NPTN: variants seen among roughly 807,000 people sequenced by gnomAD.
NPTN encodes the protein SDR-1.
A neutral mutation model predicts 42.7 loss-of-function variants in NPTN; 5 were observed. The ratio of observed to expected loss-of-function variants is 0.12; its 90% confidence interval spans 0.06 to 0.25. The LOEUF is 0.25. Ranked by LOEUF, NPTN falls within the 10% of genes least tolerant of loss-of-function variation. The pLI is 1.00. For synonymous variants in NPTN, 180 were observed against 201.9 expected, an observed-to-expected ratio of 0.89 and a Z score of 0.92; for missense variants, 307 against 525.4, an observed-to-expected ratio of 0.58 and a Z score of 4.06.
Position 73,561,973 on chromosome 15 carries a change from T to A in NPTN, c.1137-3A>T, listed in dbSNP as rs752450591. ...GATTGTTGGTAGAGTTGGTTTTCCT[T>A]TGGAGGAAAAATTGCATTACATGAG... On this transcript the variant is annotated splice_region_variant and splice_polypyrimidine_tract_variant and intron_variant, in intron 7 of 8. Coordinates refer to ENST00000345330, the MANE Select transcript of NPTN (RefSeq NM_012428.4). The A allele has an allele frequency of 6.3e-7, 1 of 1,593,756 alleles. No homozygotes were observed. Among genetic ancestry groups the A allele is most frequent in the Admixed American group, 1.9e-5 (1 of 53,890 alleles).
intron 1 of NPTN, among the ~76,000 whole-genome samples, chr15:73,603,633 T>C (rs982932112): frequency 6.6e-6 from 1 of 152,154 alleles, no homozygotes; most frequent in Non-Finnish European, 1.5e-5. Flanking sequence ...CCAAGAATAA[T>C]AAGAATAAAG....
chr15:73,581,180 C>T (rs1896024663), intron 4 of NPTN, among the ~76,000 whole-genome samples: 1 of 152,162 alleles, frequency 6.6e-6, no homozygotes, highest in South Asian at 2.1e-4. Context: ...AAGGTTTAAT[C>T]ATGTCAGATA....
At chr15:73,584,952 CCTT>C (rs1896244847) in intron 4 of NPTN, among the ~76,000 whole-genome samples, 2 of 152,084 alleles carry the variant, frequency 1.3e-5, no homozygotes, top group South Asian at 2.1e-4. Flanking sequence ...GTTCCTTCAG[CCTT>C]CTTTTCTTTT....
intron 1 of NPTN, among the ~76,000 whole-genome samples, chr15:73,621,262 A>G (rs1242606756): frequency 6.6e-6 from 1 of 152,220 alleles, no homozygotes; most frequent in Admixed American, 6.5e-5. Flanking sequence ...GAGAGGAATA[A>G]TTAATTCAAT....
At chr15:73,572,591 T>A (rs778642353) in intron 5 of NPTN, among the ~76,000 whole-genome samples, 1 of 152,078 alleles carries the variant, frequency 6.6e-6, no homozygotes. Flanking sequence ...GTACTAGTAA[T>A]TGCCCTCAGT....
intron 1 of NPTN, among the ~76,000 whole-genome samples, chr15:73,607,360 A>C (rs113403314): frequency 0.015 from 2,341 of 152,300 alleles, 17 homozygotes; most frequent in East Asian, 0.027. Context: ...TAACAAGCTT[A>C]CTTTCTGTCT....
chr15:73,571,700 C>T (rs2141361971), intron 5 of NPTN, among the ~76,000 whole-genome samples: 1 of 152,182 alleles, frequency 6.6e-6, no homozygotes, highest in Admixed American at 6.5e-5. Flanking sequence ...TCATGAGATC[C>T]CGGCAGGGAA....
chr15:73,583,619 T>G (rs1896169420), intron 4 of NPTN, among the ~76,000 whole-genome samples: 1 of 152,212 alleles, frequency 6.6e-6, no homozygotes, highest in Non-Finnish European at 1.5e-5. Flanking sequence ...GTGTGGTTTT[T>G]GGGCTGAAGT....
At chr15:73,618,546 G>T (rs141169422) in intron 1 of NPTN, among the ~76,000 whole-genome samples, 198 of 152,254 alleles carry the variant, frequency 1.3e-3, no homozygotes, top group African/African-American at 4.4e-3. Context: ...TGTAAGAAGA[G>T]AATAAAATTA....
chr15:73,562,458 G>T (rs1233898890), intron 7 of NPTN, among the ~76,000 whole-genome samples: 1 of 152,196 alleles, frequency 6.6e-6, no homozygotes, highest in Non-Finnish European at 1.5e-5. Context: ...CGATACAGGT[G>T]AGAATATGTA....
At chr15:73,631,236 C>T (rs983439349) in intron 1 of NPTN, among the ~76,000 whole-genome samples, 1 of 152,154 alleles carries the variant, frequency 6.6e-6, no homozygotes, top group Admixed American at 6.5e-5. Flanking sequence ...TATGCTATTA[C>T]CATAAACTGA....
At position 73,597,501 on chromosome 15, in the gene NPTN, C is replaced by T. The variant is rs1398984987; in HGVS notation, c.92-132G>A. Reference sequence around the variant, plus strand: ...GAGTTGCAAAGAACAAAAAAGGATTCATTTTTAAACTATAAAGAGACAGTA... The same window carrying T: ...GAGTTGCAAAGAACAAAAAAGGATTTATTTTTAAACTATAAAGAGACAGTA... On this transcript the variant is annotated intron_variant, in intron 1 of 8. Transcript: ENST00000345330. The surrounding 1 kb of genome is among the most constrained non-coding windows in gnomAD (Gnocchi z 6.3). 1 of 689,344 alleles carries T rather than the reference C, an allele frequency of 1.5e-6. No individual in the cohort carries two copies. The highest frequency in any genetic ancestry group is 2.4e-6 in the Non-Finnish European group (1 of 415,200). 42.7% of individuals were successfully genotyped at this position (689,344 alleles called of 1,614,324 possible). A position where few individuals can be genotyped will look rare whatever the true frequency, so the allele number is the denominator to read the frequency against.
chr15:73,590,565 C>G (rs1480883523), intron 3 of NPTN, among the ~76,000 whole-genome samples: 2 of 149,062 alleles, frequency 1.3e-5, no homozygotes, highest in African/African-American at 5.0e-5. Flanking sequence ...AGTTCAAGAC[C>G]AGCCTGGGCA....
At chr15:73,607,100 G>GCTGT (rs748283027) in intron 1 of NPTN, among the ~76,000 whole-genome samples, 12 of 152,138 alleles carry the variant, frequency 7.9e-5, no homozygotes, top group Non-Finnish European at 1.5e-4. Context: ...ACCTGCCTAT[G>GCTGT]CTGTATTCAG....
chr15:73,570,232 C>T lies in NPTN; in HGVS notation c.1032G>A (p.Leu344=). 1.2e-6 allele frequency: 2 copies of T among 1,614,156 alleles called. No individual in the cohort carries two copies. The highest frequency in any genetic ancestry group is 1.1e-5 in the South Asian group (1 of 91,082). The part of the protein sequence containing the change: ...RSHLAPLWPF[L]GILAEIIILV... The stretch of plus-strand genomic sequence containing the variant: ...GGATGATAATTTCAGCCAGAATTCC[C>T]AAGAAAGGCCAGAGTGGGGCCAGGT... Residue 344 remains leucine, a synonymous_variant, in exon 6 of 9, where the codon TTG becomes TTA. Coordinates refer to ENST00000345330, the MANE Select transcript of NPTN (RefSeq NM_012428.4). This position sits in a 1 kb window ranked among gnomAD's most constrained non-coding sequence, Gnocchi z 4.0.
chr15:73,565,958 A>G (rs1894974315), intron 6 of NPTN, among the ~76,000 whole-genome samples: 1 of 152,196 alleles, frequency 6.6e-6, no homozygotes, highest in African/African-American at 2.4e-5. Flanking sequence ...AATAATGAAG[A>G]GTTGACTCTC....
At position 73,569,130 on chromosome 15, in the gene NPTN, C is replaced by A. The variant is rs758891074; in HGVS notation, c.1114+1020G>T. 1 of 985,498 alleles carries A rather than the reference C, an allele frequency of 1.0e-6. No homozygotes were observed. The highest frequency in any genetic ancestry group is 6.1e-5 in the Admixed American group (1 of 16,270). The allele number at this position is 985,498 out of a possible 1,614,324, so 61.0% of individuals were successfully genotyped here. A position where few individuals can be genotyped will look rare whatever the true frequency, so the allele number is the denominator to read the frequency against. ...GGTAGGCTACCACTGAGCCCAGGGG[C>A]ACACCCATCTGTCTAGTCTAGCCAG... On this transcript the variant is annotated intron_variant, in intron 6 of 8. Transcript: ENST00000345330. The surrounding 1 kb of genome is among the most constrained non-coding windows in gnomAD (Gnocchi z 4.1).
At position 73,616,529 on chromosome 15, in the gene NPTN, C is replaced by T. The variant is rs1018042343; in HGVS notation, c.91+16596G>A. On this transcript the variant is annotated intron_variant, in intron 1 of 8. Coordinates refer to ENST00000345330, the MANE Select transcript of NPTN (RefSeq NM_012428.4). The stretch of plus-strand genomic sequence containing the variant: ...ATTCAAATATTCTGACTCCTGTTCA[C>T]TAATGCTCTATCCACTAAAACCTGC... 1.4e-4 allele frequency among the ~76,000 whole-genome samples: 21 copies of T among 152,314 alleles called. No individual in the cohort carries two copies. In the East Asian group the frequency reaches 4.0e-3, roughly 29 times the overall value.
chr15:73,605,457 G>A (rs778001271), intron 1 of NPTN, among the ~76,000 whole-genome samples: 4 of 151,816 alleles, frequency 2.6e-5, no homozygotes, highest in South Asian at 2.1e-4. Flanking sequence ...GGTCGGGTGC[G>A]GTGGCTCATG....
Sources: gnomAD v4.1 joint callset for allele counts (sites outside exome capture counted in the v4.1 genomes callset) on GRCh38, gnomAD v4.1.1 for gene constraint, Gnocchi (gnomAD v3.1) non-coding constraint, MANE v1.5 for transcripts, NCBI Gene and HGNC (gene_info 2026-07-23, HGNC 2026-07-21) for gene names.